SCHIP1: variants seen among roughly 807,000 people sequenced by gnomAD.
SCHIP1 encodes schwannomin interacting protein 1, also known as schwannomin-interacting protein 1.
SCHIP1 carries 8 observed loss-of-function variants against 29.7 expected under a neutral mutation model. The ratio of observed to expected loss-of-function variants is 0.27; its 90% CI spans 0.16 to 0.49. The LOEUF (loss-of-function observed/expected upper bound fraction) is 0.49, where lower values mean the gene tolerates loss of function less well. Among genes scored for constraint, SCHIP1 ranks in the 20% least tolerant of loss-of-function variants. The pLI is 0.99. For synonymous variants in SCHIP1, 76 were observed against 94.9 expected (o/e 0.80, Z 1.16); for missense variants, 193 against 294.6 (o/e 0.66, Z 2.52).
the SCHIP1 span, among the ~76,000 whole-genome samples, chr3:159,706,751 A>G: frequency 1.3e-5 from 2 of 152,208 alleles, no homozygotes; most frequent in African/African-American, 4.8e-5. Flanking sequence ...ACTAGTGGTC[A>G]GACCTATTCA....
the SCHIP1 span, among the ~76,000 whole-genome samples, chr3:159,410,942 C>T: frequency 1.3e-5 from 2 of 152,052 alleles, no homozygotes; most frequent in African/African-American, 2.4e-5. Flanking sequence ...ACTATGCAGC[C>T]GTGAAGAAGA....
the SCHIP1 span, among the ~76,000 whole-genome samples, chr3:159,604,204 G>GT: frequency 6.6e-6 from 1 of 152,146 alleles, no homozygotes; most frequent in Non-Finnish European, 1.5e-5. Flanking sequence ...TGAGTGAAAC[G>GT]TAAGAATAAA....
chr3:159,679,850 T>C, the SCHIP1 span, among the ~76,000 whole-genome samples: 1 of 152,204 alleles, frequency 6.6e-6, no homozygotes. Context: ...GTTCTCTCTC[T>C]ACTCATCTGC....
At chr3:159,867,538 G>C (rs1341758121) in intron 2 of SCHIP1, among the ~76,000 whole-genome samples, 1 of 152,118 alleles carries the variant, frequency 6.6e-6, no homozygotes, top group Non-Finnish European at 1.5e-5. Context: ...AGACAAGAGT[G>C]CCAGTTTCAC....
chr3:159,701,097 A>G, the SCHIP1 span, among the ~76,000 whole-genome samples: 1 of 152,212 alleles, frequency 6.6e-6, no homozygotes, highest in East Asian at 1.9e-4. Flanking sequence ...TGGCAGAGTA[A>G]ACATTCAATA....
At chr3:159,783,544 A>G in the SCHIP1 span, among the ~76,000 whole-genome samples, 1 of 152,130 alleles carries the variant, frequency 6.6e-6, no homozygotes, top group Non-Finnish European at 1.5e-5. Flanking sequence ...TAATCTTGCA[A>G]TTTTCCTGTA....
At chr3:159,379,206 A>C in the SCHIP1 span, among the ~76,000 whole-genome samples, 1 of 150,934 alleles carries the variant, frequency 6.6e-6, no homozygotes, top group Non-Finnish European at 1.5e-5. Flanking sequence ...TAGAATAACT[A>C]GGTGGGTTTT....
the SCHIP1 span, among the ~76,000 whole-genome samples, chr3:159,625,466 G>A: frequency 6.6e-6 from 1 of 152,146 alleles, no homozygotes; most frequent in Admixed American, 6.6e-5. Flanking sequence ...AGAGCCCAAA[G>A]TAACAGCATT....
chr3:159,562,504 T>G, the SCHIP1 span, among the ~76,000 whole-genome samples: 1 of 152,142 alleles, frequency 6.6e-6, no homozygotes, highest in Non-Finnish European at 1.5e-5. Flanking sequence ...TGAAGTAAAT[T>G]TGCCTCAGCT....
chr3:159,405,825 G>A, the SCHIP1 span, among the ~76,000 whole-genome samples: 2 of 150,536 alleles, frequency 1.3e-5, no homozygotes, highest in Non-Finnish European at 2.9e-5. Context: ...GGAGGTTGCA[G>A]TGAGCTGAGA....
the SCHIP1 span, among the ~76,000 whole-genome samples, chr3:159,333,532 C>A: frequency 6.6e-6 from 1 of 152,100 alleles, no homozygotes; most frequent in African/African-American, 2.4e-5. Flanking sequence ...CACACACACT[C>A]CACTGACTCT....
chr3:159,511,099 G>A, the SCHIP1 span, among the ~76,000 whole-genome samples: 17 of 152,348 alleles, frequency 1.1e-4, no homozygotes, highest in South Asian at 3.5e-3. Context: ...GCCTCCTTGA[G>A]CTGTGGTGGG....
the SCHIP1 span, among the ~76,000 whole-genome samples, chr3:159,604,465 C>T: frequency 1.3e-5 from 2 of 152,276 alleles, no homozygotes; most frequent in Middle Eastern, 3.4e-3. Flanking sequence ...AGTGAGATCG[C>T]TCACTTAACT....
At chr3:159,282,578 T>C in the SCHIP1 span, 2 of 151,294 alleles carry the variant, frequency 1.3e-5, no homozygotes, top group South Asian at 2.1e-4. Flanking sequence ...CTTAAGTTCA[T>C]TGAAATTTTG....
At chr3:159,794,296 C>A in the SCHIP1 span, among the ~76,000 whole-genome samples, 1 of 152,144 alleles carries the variant, frequency 6.6e-6, no homozygotes, top group Non-Finnish European at 1.5e-5. Flanking sequence ...AGTGATAATA[C>A]CATGTTCAGA....
At chr3:159,278,948 A>C in the SCHIP1 span, among the ~76,000 whole-genome samples, 1 of 152,202 alleles carries the variant, frequency 6.6e-6, no homozygotes, top group East Asian at 1.9e-4. Flanking sequence ...CATGGCTCTC[A>C]AGACCACCTT....
chr3:159,460,546 G>C, the SCHIP1 span, among the ~76,000 whole-genome samples: 1 of 152,194 alleles, frequency 6.6e-6, no homozygotes, highest in Non-Finnish European at 1.5e-5. Context: ...TGAGGGCACA[G>C]AAGGCACAAA....
At chr3:159,397,811 AAGGCAGGC>A in the SCHIP1 span, among the ~76,000 whole-genome samples, 1 of 152,156 alleles carries the variant, frequency 6.6e-6, no homozygotes, top group Non-Finnish European at 1.5e-5. Flanking sequence ...TGAGCCTACA[AAGGCAGGC>A]AGGCAGGCCT....
At chr3:159,435,133 C>T in the SCHIP1 span, among the ~76,000 whole-genome samples, 1 of 152,232 alleles carries the variant, frequency 6.6e-6, no homozygotes, top group African/African-American at 2.4e-5. Flanking sequence ...TAGTCAGAGC[C>T]TTGGATTTTG....
Sources: gnomAD v4.1 joint callset for allele counts (sites outside exome capture counted in the v4.1 genomes callset) on GRCh38, gnomAD v4.1.1 for gene constraint, MANE v1.5 for transcripts, NCBI Gene and HGNC (gene_info 2026-07-23, HGNC 2026-07-21) for gene names.